The following SNX25 variants were observed in gnomAD, a reference collection of about 807,000 sequenced individuals.
The protein encoded by SNX25 is sorting nexin 25, also known as sorting nexin-25.
Under a neutral mutation model 113.7 loss-of-function variants are expected in SNX25, and 62 were observed. The observed-to-expected ratio is 0.55, with a 90% confidence interval of 0.44 to 0.67. SNX25 has a LOEUF of 0.67. Among genes scored for constraint, SNX25 ranks in the 30% least tolerant of loss-of-function variants. The pLI is 0.00. For missense variants in SNX25, 1,014 were observed against 1,161.0 expected, an observed-to-expected ratio of 0.87 and a Z score of 1.84; for synonymous variants, 421 against 436.2, an observed-to-expected ratio of 0.97 and a Z score of 0.43.
intron 7 of SNX25, among the ~76,000 whole-genome samples, chr4:185,315,158 G>A (rs1233614339): frequency 6.6e-6 from 1 of 151,432 alleles, no homozygotes; most frequent in Non-Finnish European, 1.5e-5. Context: ...AACCTGGGAG[G>A]CGGAGCTTGC....
At chr4:185,272,284 C>T (rs1749048214) in intron 5 of SNX25, among the ~76,000 whole-genome samples, 1 of 152,180 alleles carries the variant, frequency 6.6e-6, no homozygotes. Flanking sequence ...AATGAAGGTG[C>T]ATCTGTTAGT....
Position 185,353,659 on chromosome 4 carries a change from G to A in SNX25, c.2584+57G>A, listed in dbSNP as rs144543621. ...TGCTAGTTAAGTGGTATATATAATC[G>A]TACATTCACATGCATTTAATATCCC... is the stretch of plus-strand genomic sequence containing the variant. On this transcript the variant is annotated intron_variant, in intron 15 of 18. Coordinates refer to ENST00000652585, the MANE Select transcript of SNX25 (RefSeq NM_001378034.2). 6.6e-5 allele frequency: 85 copies of A among 1,281,746 alleles called. 3 individuals carry two copies. The highest frequency in any genetic ancestry group is 1.5e-4 in the African/African-American group (10 of 68,386). 79.4% of individuals were successfully genotyped at this position (1,281,746 alleles called of 1,614,324 possible).
chr4:185,317,703 CAT>C (rs1019181651), intron 7 of SNX25, among the ~76,000 whole-genome samples: 5 of 151,988 alleles, frequency 3.3e-5, no homozygotes, highest in Admixed American at 2.0e-4. Context: ...CGAAACACCA[CAT>C]GTTTTCACTC....
At chr4:185,242,919 A>G (rs1744286612) in intron 1 of SNX25, among the ~76,000 whole-genome samples, 1 of 152,148 alleles carries the variant, frequency 6.6e-6, no homozygotes, top group Admixed American at 6.5e-5. Context: ...ATAGTAACCC[A>G]GTTATTTTTG....
chr4:185,298,790 T>C (rs1753218267), intron 6 of SNX25, among the ~76,000 whole-genome samples: 2 of 152,204 alleles, frequency 1.3e-5, no homozygotes. Context: ...TTATTCATTA[T>C]AGTTTATATC....
At chr4:185,375,518 A>ATATATATG in the SNX25 span, 3 of 126,914 alleles carry the variant, frequency 2.4e-5, no homozygotes, top group Admixed American at 2.0e-4. Context: ...ATATATATGT[A>ATATATATG]TATATATATG....
intron 1 of SNX25, among the ~76,000 whole-genome samples, chr4:185,241,231 C>T (rs1321049549): frequency 1.3e-5 from 2 of 152,306 alleles, no homozygotes; most frequent in South Asian, 2.1e-4. Flanking sequence ...ATCCCAGCAC[C>T]TCAGGAGGCC....
At chr4:185,342,141 T>G (rs576969444) in intron 12 of SNX25, 25 bp downstream of exon 12, 1 of 1,517,328 alleles carries the variant, frequency 6.6e-7, no homozygotes, top group East Asian at 2.4e-5. Flanking sequence ...GAACGCAGTA[T>G]TCTAGAATTA....
the SNX25 span, chr4:185,375,697 A>G: frequency 6.2e-7 from 1 of 1,610,810 alleles, no homozygotes; most frequent in African/African-American, 1.3e-5. Context: ...TGATTTCTTC[A>G]AACTGTTCTA....
the SNX25 span, among the ~76,000 whole-genome samples, chr4:185,375,186 T>C: frequency 6.6e-6 from 1 of 151,216 alleles, no homozygotes; most frequent in Non-Finnish European, 1.5e-5. Context: ...TGATCTTGGC[T>C]CACTGCAGCC....
intron 1 of SNX25, among the ~76,000 whole-genome samples, chr4:185,229,271 G>A (rs1338676022): frequency 6.6e-6 from 1 of 152,188 alleles, no homozygotes; most frequent in Admixed American, 6.5e-5. Flanking sequence ...GGAGGAAGCT[G>A]AGAGCTTGGA....
intron 14 of SNX25, among the ~76,000 whole-genome samples, chr4:185,352,035 G>A (rs2095317998): frequency 6.6e-6 from 1 of 152,150 alleles, no homozygotes; most frequent in Admixed American, 6.5e-5. Flanking sequence ...CAGCATAGAA[G>A]TGGGGAGGGG....
At chr4:185,221,048 T>C (rs1739759793) in intron 1 of SNX25, among the ~76,000 whole-genome samples, 1 of 151,356 alleles carries the variant, frequency 6.6e-6, no homozygotes, top group Non-Finnish European at 1.5e-5. Flanking sequence ...TTTTTTTTTT[T>C]CTGAGACAGG....
the SNX25 span, chr4:185,375,768 C>G: frequency 7.3e-7 from 1 of 1,366,382 alleles, no homozygotes. Context: ...TTATTATGAT[C>G]TTAAAGTAAT....
chr4:185,217,871 T>C (rs1341514823), intron 1 of SNX25, among the ~76,000 whole-genome samples: 1 of 152,198 alleles, frequency 6.6e-6, no homozygotes, highest in Non-Finnish European at 1.5e-5. Flanking sequence ...CTTGCCAGCA[T>C]TTTTAACATT....
chr4:185,357,875 T>C, intron 16 of SNX25, 138 bp downstream of exon 16: 1 of 713,776 alleles, frequency 1.4e-6, no homozygotes. Context: ...GATATGATTC[T>C]AAGATTGGAT....
At chr4:185,268,729 ACCAT>A (rs1748495518) in intron 5 of SNX25, among the ~76,000 whole-genome samples, 1 of 152,194 alleles carries the variant, frequency 6.6e-6, no homozygotes, top group African/African-American at 2.4e-5. Context: ...CGAATAAAGC[ACCAT>A]CTAAGGAGGC....
chr4:185,289,874 G>C (rs1751901399), intron 6 of SNX25, among the ~76,000 whole-genome samples: 1 of 152,110 alleles, frequency 6.6e-6, no homozygotes, highest in Admixed American at 6.5e-5. Flanking sequence ...CCATTAAAAA[G>C]TGCAAGCTGG....
chr4:185,351,564 C>T lies in SNX25; in HGVS notation c.2421C>T (p.Ser807=), dbSNP rs760328685. The T allele has an allele frequency of 6.2e-6, 10 of 1,614,002 alleles. No individual in the cohort carries two copies. In the African/African-American group the frequency reaches 6.7e-5, roughly 11 times the overall value. ...GGAAAAAAAATTCTTTTTCATTATC[C>T]TCATTTTTGGAAAGACTTCCTCGCG... ...VQGKKNSFSL[S]SFLERLPRDF... The change falls in exon 14 of 19, where the codon TCC becomes TCT. Residue 807 remains serine, a synonymous_variant. Coordinates refer to ENST00000652585, the MANE Select transcript of SNX25 (RefSeq NM_001378034.2).
Sources: gnomAD v4.1 joint callset for allele counts (sites outside exome capture counted in the v4.1 genomes callset) on GRCh38, gnomAD v4.1.1 for gene constraint, MANE v1.5 for transcripts, NCBI Gene and HGNC (gene_info 2026-07-23, HGNC 2026-07-21) for gene names.